CSMD1: variants seen among roughly 807,000 people sequenced by gnomAD.
CSMD1 encodes CUB and Sushi multiple domains 1.
CSMD1 carries 213 observed loss-of-function variants against 417.5 expected under a neutral mutation model. That is an observed-to-expected ratio of 0.51 (90% CI 0.46 to 0.57). The LOEUF is 0.57. Among genes scored for constraint, CSMD1 ranks in the 20% least tolerant of loss-of-function variants. The pLI is 0.00. For synonymous variants in CSMD1, 2,862 were observed against 1,736.8 expected (o/e 1.65, Z -16.11); for missense variants, 6,923 against 4,529.7 (o/e 1.53, Z -15.17).
Position 4,920,009 on chromosome 8 carries a change from A to G in CSMD1, c.85+74323T>C, listed in dbSNP as rs1468742611. On this transcript the variant is annotated intron_variant, in intron 1 of 69. Coordinates refer to ENST00000635120, the MANE Select transcript of CSMD1 (RefSeq NM_033225.6). ...CATGAGAAATACATTTCTGTTCTCT[A>G]TCAGTTAGTCCCAGGTATTTTGCTG... is the stretch of plus-strand genomic sequence containing the variant. 5.3e-5 allele frequency among the ~76,000 whole-genome samples: 8 copies of G among 152,156 alleles called. No individual in the cohort carries two copies. In the East Asian group the frequency reaches 7.7e-4, roughly 15 times the overall value.
At chr8:4,020,118 G>A (rs1240175450) in intron 4 of CSMD1, among the ~76,000 whole-genome samples, 2 of 152,026 alleles carry the variant, frequency 1.3e-5, no homozygotes, top group African/African-American at 4.8e-5. Context: ...TATGTGTCAG[G>A]CTCTTTGCTA....
intron 2 of CSMD1, among the ~76,000 whole-genome samples, chr8:4,543,671 GAAAAAAAAAAAAAAA>G (rs35739254): frequency 1.0e-4 from 6 of 57,336 alleles, no homozygotes; most frequent in South Asian, 1.0e-3. Context: ...GTTTAATTTT[GAAAAAAAAAAAAAAA>G]AAAAAAAAAA....
chr8:3,773,356 T>C (rs988303407), intron 5 of CSMD1, among the ~76,000 whole-genome samples: 6 of 152,288 alleles, frequency 3.9e-5, no homozygotes, highest in Non-Finnish European at 7.4e-5. Flanking sequence ...CACTCTCAGC[T>C]CACTGTAGCC....
chr8:3,311,609 C>G (rs1398261632), intron 23 of CSMD1, among the ~76,000 whole-genome samples: 1 of 152,180 alleles, frequency 6.6e-6, no homozygotes, highest in Non-Finnish European at 1.5e-5. Context: ...GTATTGAATA[C>G]TGTACAGGAA....
chr8:4,965,460 G>A (rs1048828774), intron 1 of CSMD1, among the ~76,000 whole-genome samples: 5 of 152,210 alleles, frequency 3.3e-5, no homozygotes, highest in Non-Finnish European at 5.9e-5. Context: ...TGATAATGCA[G>A]GACATGTGGA....
At chr8:4,979,857 G>A (rs971276327) in intron 1 of CSMD1, among the ~76,000 whole-genome samples, 2 of 151,856 alleles carry the variant, frequency 1.3e-5, no homozygotes, top group Non-Finnish European at 2.9e-5. Context: ...CTAACACATT[G>A]AAACCCCATC....
At chr8:3,920,987 A>G (rs185207957) in intron 5 of CSMD1, among the ~76,000 whole-genome samples, 2 of 152,314 alleles carry the variant, frequency 1.3e-5, no homozygotes, top group Admixed American at 6.5e-5. Flanking sequence ...GCCTCATAAA[A>G]TAAGTTTGAA....
intron 3 of CSMD1, among the ~76,000 whole-genome samples, chr8:4,268,160 C>T (rs569176066): frequency 2.0e-5 from 3 of 152,096 alleles, no homozygotes; most frequent in Non-Finnish European, 4.4e-5. Flanking sequence ...TGTATTTTCA[C>T]AACAACTTAA....
At chr8:4,451,970 T>C (rs924521649) in intron 2 of CSMD1, among the ~76,000 whole-genome samples, 4 of 148,918 alleles carry the variant, frequency 2.7e-5, no homozygotes, top group Non-Finnish European at 5.9e-5. Context: ...ATATATATAA[T>C]TTGATATACA....
At chr8:4,182,924 G>A (rs1028516815) in intron 3 of CSMD1, among the ~76,000 whole-genome samples, 2 of 152,084 alleles carry the variant, frequency 1.3e-5, no homozygotes, top group Non-Finnish European at 2.9e-5. Context: ...ACGGTGGATA[G>A]AATCTCAATT....
At chr8:3,547,856 G>C (rs908364766) in intron 10 of CSMD1, among the ~76,000 whole-genome samples, 2 of 152,072 alleles carry the variant, frequency 1.3e-5, no homozygotes, top group Admixed American at 1.3e-4. Context: ...AATTTCGCTA[G>C]GTCATTTTTT....
chr8:3,196,302 C>A (rs939118956), intron 33 of CSMD1, among the ~76,000 whole-genome samples: 5 of 152,158 alleles, frequency 3.3e-5, no homozygotes, highest in Non-Finnish European at 2.9e-5. Context: ...CCAGAAAACT[C>A]ACTAATAATC....
intron 30 of CSMD1, among the ~76,000 whole-genome samples, chr8:3,208,086 C>G (rs1185863992): frequency 1.3e-5 from 2 of 152,076 alleles, no homozygotes; most frequent in East Asian, 3.9e-4. Flanking sequence ...AAACTTAGCA[C>G]AAATAAAGAT....
intron 9 of CSMD1, among the ~76,000 whole-genome samples, chr8:3,579,512 A>G (rs1800292720): frequency 6.6e-6 from 1 of 152,156 alleles, no homozygotes. Context: ...GCAAATTTAT[A>G]ATTACATTGG....
chr8:3,759,857 G>A (rs755249805), intron 5 of CSMD1, among the ~76,000 whole-genome samples: 14 of 148,122 alleles, frequency 9.5e-5, no homozygotes, highest in African/African-American at 2.2e-4. Context: ...GCAGTGACCC[G>A]GAGATTGCAC....
chr8:4,912,648 G>A (rs556709132), intron 1 of CSMD1, among the ~76,000 whole-genome samples: 59 of 152,170 alleles, frequency 3.9e-4, no homozygotes, highest in Non-Finnish European at 7.1e-4. Flanking sequence ...CCTGTGACAT[G>A]TAGGTCAGGA....
intron 2 of CSMD1, among the ~76,000 whole-genome samples, chr8:4,453,844 CAG>C (rs1281514903): frequency 5.3e-5 from 4 of 75,674 alleles, no homozygotes; most frequent in Non-Finnish European, 7.3e-5. Context: ...TTTTTTGAGA[CAG>C]AGTCTCACTC....
intron 1 of CSMD1, among the ~76,000 whole-genome samples, chr8:4,887,658 C>T (rs532133522): frequency 2.0e-5 from 3 of 151,698 alleles, no homozygotes; most frequent in East Asian, 1.9e-4. Context: ...ACTGGTTTTG[C>T]TTTATTTATA....
In CSMD1 at chr8:4,028,434, C is replaced by T. The variant is rs190803682; in HGVS notation, c.610+3471G>A. On this transcript the variant is annotated intron_variant, in intron 4 of 69. Transcript: ENST00000635120. ...GGGTGGTGGTAGTAGTAGCAGTCAT[C>T]GCCGTCATATGCCATTATGAATACA... Among the ~76,000 whole-genome samples the T allele has an allele frequency of 4.0e-4, 61 of 152,016 alleles. 1 individual carries two copies. The East Asian group carries it at 8.3e-3, about 21-fold the overall frequency.
Sources: allele counts gnomAD v4.1 joint callset (sites outside exome capture counted in the v4.1 genomes callset), GRCh38; gene constraint gnomAD v4.1.1; transcripts MANE v1.5; gene names NCBI Gene and HGNC (gene_info 2026-07-23, HGNC 2026-07-21).